The following FAM217B variants were observed in gnomAD, a reference collection of about 807,000 sequenced individuals.
FAM217B encodes the protein family with sequence similarity 217 member B.
For missense variants in FAM217B, 463 were observed against 456.9 expected (o/e 1.01, Z -0.12); for synonymous variants, 163 against 173.0 (o/e 0.94, Z 0.45).
Position 59,948,404 on chromosome 20 carries a change from C to T in FAM217B, c.*3309C>T, listed in dbSNP as rs2060950342. ...CTTTATCTGATATGGATATCGTCTA[C>T]TTCCTCATTCCTTTATGCTCACTTA... On this transcript the variant is annotated 3_prime_UTR_variant, in exon 4 of 4. Coordinates refer to ENST00000360816, the MANE Select transcript of FAM217B (RefSeq NM_022106.3). 6.0e-6 allele frequency: 1 copy of T among 166,940 alleles called. No individual in the cohort carries two copies. The highest frequency in any genetic ancestry group is 1.5e-5 in the Non-Finnish European group (1 of 68,098). The allele number at this position is 166,940 out of a possible 1,614,324, so 10.3% of individuals were successfully genotyped here. A position where few individuals can be genotyped will look rare whatever the true frequency, so the allele number is the denominator to read the frequency against.
At chr20:59,939,006 C>T (rs750477897), upstream of FAM217B, 5 of 1,490,336 alleles carry the variant, frequency 3.4e-6, no homozygotes, top group African/African-American at 7.0e-5. Context: ...GGTGTGGAGG[C>T]TCCAGGTGGC....
chr20:59,935,010 A>G (rs1023824108), intron 1 of FAM217B, among the ~76,000 whole-genome samples: 4 of 152,216 alleles, frequency 2.6e-5, no homozygotes, highest in African/African-American at 9.7e-5. Flanking sequence ...TACATATGCA[A>G]TCTAAGGTAC....
Position 59,944,082 on chromosome 20 carries a change from A to C in FAM217B, c.139A>C (p.Lys47Gln), listed in dbSNP as rs139003217. The C allele has an allele frequency of 6.8e-6, 11 of 1,614,170 alleles. No individual in the cohort carries two copies. The African/African-American group carries it at 1.3e-4, about 20-fold the overall frequency. The change falls in exon 4 of 4, where the codon AAA (lysine) becomes CAA (glutamine). Residue 47 changes from lysine (K) to glutamine (Q), a missense_variant. Lys to Gln is a moderately conservative substitution (Grantham distance 53). Coordinates refer to ENST00000360816, the MANE Select transcript of FAM217B (RefSeq NM_022106.3). ...AGCTGTCACCCAGCCTACTGAAGAA[A>C]AACTTAAAGAAAGCATTTCCCCGGA... ...LTAVTQPTEE[K>Q]LKESISPEAR...
Position 59,940,516 on chromosome 20 carries a change from C to A in FAM217B, c.-222C>A, listed in dbSNP as rs2060897027. On this transcript the variant is annotated 5_prime_UTR_variant, in exon 1 of 4. Transcript: ENST00000360816. The stretch of plus-strand genomic sequence containing the variant: ...GAAGGCTGGCAGCCTCGTCACGTGT[C>A]CGCTGCAGTCGCGAAACAGGTCTGA... The A allele has an allele frequency of 6.6e-6, 1 of 152,242 alleles. No homozygotes were observed. The highest frequency in any genetic ancestry group is 2.4e-5 in the African/African-American group (1 of 41,460). The allele number at this position is 152,242 out of a possible 1,614,324, so 9.4% of individuals were successfully genotyped here. A position where few individuals can be genotyped will look rare whatever the true frequency, so the allele number is the denominator to read the frequency against.
upstream of FAM217B, chr20:59,937,330 T>C (rs2060868201): frequency 6.6e-6 from 1 of 151,094 alleles, no homozygotes; most frequent in Non-Finnish European, 1.5e-5. Flanking sequence ...ACAAGGCTTC[T>C]CTCTCTCTTG....
upstream of FAM217B, among the ~76,000 whole-genome samples, chr20:59,936,228 C>T (rs1375094477): frequency 1.3e-5 from 2 of 152,154 alleles, no homozygotes; most frequent in Non-Finnish European, 2.9e-5. Flanking sequence ...CATGGATCCA[C>T]GTCATATATA....
chr20:59,944,729 T>C lies in FAM217B; in HGVS notation c.786T>C (p.Tyr262=), dbSNP rs530798280. 3.8e-5 allele frequency: 62 copies of C among 1,614,208 alleles called. No homozygotes were observed. Among genetic ancestry groups the C allele is most frequent in the Non-Finnish European group, 4.7e-5 (56 of 1,180,032 alleles). ...ATGAAGAAATCCACCCATCACATTA[T>C]GCATTTGAGACTTCCCCTAGACCCA... ...FHHEEIHPSH[Y]AFETSPRPID... is the part of the protein sequence containing the mutation. The change falls in exon 4 of 4, where the codon TAT becomes TAC. Residue 262 remains tyrosine (Y), a synonymous_variant. Coordinates refer to ENST00000360816, the MANE Select transcript of FAM217B (RefSeq NM_022106.3).
Position 59,941,660 on chromosome 20 carries a change from T to C in FAM217B, c.-202-538T>C, listed in dbSNP as rs549281252. On this transcript the variant is annotated intron_variant, in intron 1 of 3. Coordinates refer to ENST00000360816, the MANE Select transcript of FAM217B (RefSeq NM_022106.3). Reference sequence around the variant, plus strand: ...ATATGTATGAATATATGGAAAGTCTTATAATGGATTGATGTGATAGAGAAG... The same window carrying C: ...ATATGTATGAATATATGGAAAGTCTCATAATGGATTGATGTGATAGAGAAG... Among the ~76,000 whole-genome samples, 3 of 152,336 alleles carry C rather than the reference T, an allele frequency of 2.0e-5. No homozygotes were observed. The South Asian group carries it at 6.2e-4, about 32-fold the overall frequency.
chr20:59,939,828 G>A, upstream of FAM217B: 2 of 1,237,608 alleles, frequency 1.6e-6, no homozygotes, highest in Non-Finnish European at 2.0e-6. Flanking sequence ...CGGCTCCAGG[G>A]CCACGCCGCC....
rs763078883 is a variant in FAM217B, at chr20:59,945,116, C to T, written c.*21C>T. ...AATAAATATCTAAAATGCTGAATTG[C>T]CAAGACCTGCAGGTACCTCAATGTT... is the stretch of plus-strand genomic sequence containing the variant. On this transcript the variant is annotated 3_prime_UTR_variant, in exon 4 of 4. Coordinates refer to ENST00000360816, the MANE Select transcript of FAM217B (RefSeq NM_022106.3). 55 of 1,525,654 alleles carry T rather than the reference C, an allele frequency of 3.6e-5. No homozygotes were observed. The highest frequency in any genetic ancestry group is 4.7e-5 in the Non-Finnish European group (54 of 1,139,760). The allele number at this position is 1,525,654 out of a possible 1,614,324, so 94.5% of individuals were successfully genotyped here. A position where few individuals can be genotyped will look rare whatever the true frequency, so the allele number is the denominator to read the frequency against.
upstream of FAM217B, chr20:59,939,810 C>G: frequency 2.4e-6 from 3 of 1,234,176 alleles, no homozygotes; most frequent in Non-Finnish European, 3.0e-6. Flanking sequence ...AGGGGGCCTA[C>G]AGGCCCGCGG....
In FAM217B at chr20:59,946,599, CAT is replaced by C. The variant is rs1259923604; in HGVS notation, c.*1506_*1507del. ...ATCTGATTTTGATCATACCAAATGA[CAT>C]AATATTTTTTATGGTAGCCTTTTAC... On this transcript the variant is annotated 3_prime_UTR_variant, in exon 4 of 4. Coordinates refer to ENST00000360816, the MANE Select transcript of FAM217B (RefSeq NM_022106.3). 1 of 166,948 alleles carries C rather than the reference CAT, an allele frequency of 6.0e-6. No individual in the cohort carries two copies. Among genetic ancestry groups the C allele is most frequent in the African/African-American group, 2.4e-5 (1 of 41,418 alleles). The allele number at this position is 166,948 out of a possible 1,614,324, so 10.3% of individuals were successfully genotyped here.
upstream of FAM217B, chr20:59,938,912 T>G: frequency 1.0e-6 from 1 of 988,846 alleles, no homozygotes; most frequent in South Asian, 2.7e-5. Context: ...CAGCAGAAAA[T>G]TAGGTCAGAG....
At chr20:59,943,112 G>A (rs1201340072) in intron 3 of FAM217B, among the ~76,000 whole-genome samples, 1 of 152,098 alleles carries the variant, frequency 6.6e-6, no homozygotes, top group Non-Finnish European at 1.5e-5. Flanking sequence ...TAAATGCCAC[G>A]TTCTTGGTAA....
chr20:59,943,444 G>A (rs1027800139), intron 3 of FAM217B, among the ~76,000 whole-genome samples: 4 of 152,206 alleles, frequency 2.6e-5, no homozygotes, highest in Non-Finnish European at 4.4e-5. Flanking sequence ...GCTCAGAATC[G>A]CCACCAATCA....
In FAM217B at chr20:59,945,001, A is replaced by G. The variant is rs2145953368; in HGVS notation, c.1058A>G (p.Lys353Arg). Residue 353 changes from lysine to arginine, a missense_variant, in exon 4 of 4, where the codon AAG becomes AGG. By Grantham distance (26) the Lys-to-Arg change is conservative. Coordinates refer to ENST00000360816, the MANE Select transcript of FAM217B (RefSeq NM_022106.3). The part of the protein sequence containing the change: ...KTQAHAHPRK[K>R]GKAESCGHAT... ...CAAGCACATGCACATCCTAGGAAAA[A>G]GGGAAAGGCAGAGAGCTGTGGTCAT... is the stretch of plus-strand genomic sequence containing the variant. The G allele has an allele frequency of 3.7e-6, 6 of 1,614,140 alleles. No individual in the cohort carries two copies. The highest frequency in any genetic ancestry group is 4.2e-6 in the Non-Finnish European group (5 of 1,180,010).
chr20:59,941,115 C>G (rs1248116809), intron 1 of FAM217B, among the ~76,000 whole-genome samples: 1 of 152,224 alleles, frequency 6.6e-6, no homozygotes, highest in Non-Finnish European at 1.5e-5. Context: ...GTCTCTCACC[C>G]GGTAGCTTTG....
At chr20:59,937,051 T>C (rs1031988227), upstream of FAM217B, 1 of 152,648 alleles carries the variant, frequency 6.6e-6, no homozygotes, top group South Asian at 2.1e-4. Flanking sequence ...AATTTCATAA[T>C]GTTGGTATTT....
At chr20:59,939,280 C>A (rs538270912), upstream of FAM217B, 1 of 1,612,420 alleles carries the variant, frequency 6.2e-7, no homozygotes, top group South Asian at 1.1e-5. Flanking sequence ...GCCACCGCCT[C>A]GTGGGTACTG....
Sources: allele counts gnomAD v4.1 joint callset (sites outside exome capture counted in the v4.1 genomes callset), GRCh38; gene constraint gnomAD v4.1.1; transcripts MANE v1.5; gene names NCBI Gene and HGNC (gene_info 2026-07-23, HGNC 2026-07-21).